Variants in FOCAD observed in about 807,000 individuals in gnomAD.
The protein encoded by FOCAD is focadhesin, also known as KIAA1797.
In FOCAD, 198 loss-of-function variants were observed where a neutral mutation model predicts 225.6. The ratio of observed to expected loss-of-function variants is 0.88; its 90% confidence interval spans 0.78 to 0.99. The LOEUF (loss-of-function observed/expected upper bound fraction) is 0.99. Ranked by LOEUF, FOCAD falls within the 50% of genes least tolerant of loss-of-function variation. FOCAD has a pLI of 0.00. For synonymous variants in FOCAD, 897 were observed against 755.0 expected (o/e 1.19, Z -3.08); for missense variants, 2,713 against 2,123.6 (o/e 1.28, Z -5.46).
intron 28 of FOCAD, among the ~76,000 whole-genome samples, chr9:20,938,315 G>A (rs929693076): frequency 2.6e-5 from 4 of 152,076 alleles, no homozygotes; most frequent in South Asian, 2.1e-4. Context: ...CAATAGCAAA[G>A]ACTTGGAACC....
chr9:20,677,670 C>T (rs1026645431), intron 2 of FOCAD, among the ~76,000 whole-genome samples: 4 of 149,042 alleles, frequency 2.7e-5, no homozygotes, highest in Non-Finnish European at 5.9e-5. Flanking sequence ...AACCTCAAAC[C>T]TGTTAGAAAA....
At chr9:20,817,973 A>C (rs1437864664) in intron 11 of FOCAD, among the ~76,000 whole-genome samples, 1 of 152,174 alleles carries the variant, frequency 6.6e-6, no homozygotes, top group African/African-American at 2.4e-5. Context: ...ATGTTTTCCA[A>C]AGGGACTGAA....
intron 24 of FOCAD, among the ~76,000 whole-genome samples, chr9:20,918,585 G>A (rs1473997728): frequency 2.0e-5 from 3 of 151,956 alleles, no homozygotes; most frequent in Admixed American, 6.6e-5. Context: ...TTAGCCGGGC[G>A]TAATGGCGGG....
chr9:20,821,075 T>C lies in FOCAD; in HGVS notation c.1793+4T>C, dbSNP rs1448116028. Reference sequence around the variant, plus strand: ...TCAGAGATATATGTAAGCAGAGGTATGATGTCATTAACTCTTAGGAATGTA... The same window carrying C: ...TCAGAGATATATGTAAGCAGAGGTACGATGTCATTAACTCTTAGGAATGTA... On this transcript the variant is annotated splice_donor_region_variant and intron_variant, in intron 14 of 43. Coordinates refer to ENST00000338382, the MANE Select transcript of FOCAD (RefSeq NM_001375567.1). 16 of 1,611,492 alleles carry C rather than the reference T, an allele frequency of 9.9e-6. No individual in the cohort carries two copies. The highest frequency in any genetic ancestry group is 1.4e-5 in the Non-Finnish European group (16 of 1,178,492).
At chr9:20,696,216 A>T (rs930565255) in intron 1 of FOCAD, among the ~76,000 whole-genome samples, 7 of 152,238 alleles carry the variant, frequency 4.6e-5, no homozygotes, top group Non-Finnish European at 7.3e-5. Flanking sequence ...AACTGCAGGC[A>T]TGTATCCTTT....
At chr9:20,913,256 CT>C (rs1833600273) in intron 23 of FOCAD, among the ~76,000 whole-genome samples, 1 of 150,662 alleles carries the variant, frequency 6.6e-6, no homozygotes, top group Admixed American at 6.6e-5. Context: ...ATTTTATATG[CT>C]TTTGAATGAA....
chr9:20,923,801 A>G (rs748126467), intron 25 of FOCAD, 33 bp downstream of exon 25: 1 of 1,539,118 alleles, frequency 6.5e-7, no homozygotes, highest in South Asian at 1.1e-5. Context: ...ATTGGCTTTG[A>G]TTATGTCTTT....
intron 15 of FOCAD, among the ~76,000 whole-genome samples, chr9:20,844,197 A>T (rs10757150): frequency 0.53 from 81,169 of 151,788 alleles, 22,033 homozygotes; most frequent in East Asian, 0.67. Context: ...CCAGATGGCC[A>T]TTTAGCCAAC....
intron 4 of FOCAD, among the ~76,000 whole-genome samples, chr9:20,734,361 T>C (rs1223591117): frequency 8.5e-5 from 13 of 152,330 alleles, no homozygotes; most frequent in Admixed American, 2.0e-4. Context: ...CCCAGTGACA[T>C]TGAAATCCCA....
chr9:20,852,899 T>G (rs1262376873), intron 15 of FOCAD, among the ~76,000 whole-genome samples: 1 of 151,758 alleles, frequency 6.6e-6, no homozygotes, highest in Non-Finnish European at 1.5e-5. Context: ...TTCGATTTAT[T>G]GAGTTTTAAG....
In FOCAD at chr9:20,715,325, C is replaced by A; in HGVS notation, c.-29C>A. 6.8e-7 allele frequency: 1 copy of A among 1,463,448 alleles called. No individual in the cohort carries two copies. The highest frequency in any genetic ancestry group is 9.2e-7 in the Non-Finnish European group (1 of 1,091,666). The allele number at this position is 1,463,448 out of a possible 1,614,324, so 90.7% of individuals were successfully genotyped here. A position where few individuals can be genotyped will look rare whatever the true frequency, so the allele number is the denominator to read the frequency against. On this transcript the variant is annotated 5_prime_UTR_variant, in exon 2 of 44. It adds an upstream start codon to the 5' untranslated region. Transcript: ENST00000338382. Reference sequence around the variant, plus strand: ...TATTCTTTTGTTTTGGTTACAGAAGCTGCACACATACATGTAAGAGAAGCA... The same window carrying A: ...TATTCTTTTGTTTTGGTTACAGAAGATGCACACATACATGTAAGAGAAGCA...
At chr9:20,928,292 A>G (rs1333484739) in intron 26 of FOCAD, among the ~76,000 whole-genome samples, 4 of 152,144 alleles carry the variant, frequency 2.6e-5, no homozygotes, top group African/African-American at 9.7e-5. Flanking sequence ...ACTTTATTTC[A>G]TGTGTGCTAC....
intron 11 of FOCAD, among the ~76,000 whole-genome samples, chr9:20,793,420 C>T (rs1820742586): frequency 6.6e-6 from 1 of 152,146 alleles, no homozygotes; most frequent in South Asian, 2.1e-4. Flanking sequence ...AGTTTATACA[C>T]AGGGAAGTAG....
chr9:20,708,802 T>C (rs1824599583), intron 1 of FOCAD, among the ~76,000 whole-genome samples: 1 of 151,856 alleles, frequency 6.6e-6, no homozygotes, highest in Non-Finnish European at 1.5e-5. Flanking sequence ...AAAAATTCTG[T>C]TTAGCCCTGA....
At chr9:20,689,294 G>A (rs4977441) in intron 1 of FOCAD, among the ~76,000 whole-genome samples, 95,237 of 151,954 alleles carry the variant, frequency 0.63, 30,265 homozygotes, top group Admixed American at 0.71. Flanking sequence ...TGGTGCATTC[G>A]ATGAATTGCT....
intron 18 of FOCAD, among the ~76,000 whole-genome samples, chr9:20,868,574 A>G (rs1189366528): frequency 2.0e-5 from 3 of 152,086 alleles, no homozygotes; most frequent in Admixed American, 1.3e-4. Context: ...ATAGCTCTTT[A>G]TATCTTCCAA....
At chr9:20,952,933 C>G in intron 34 of FOCAD, 52 bp from the exon 35 acceptor site, 1 of 1,404,036 alleles carries the variant, frequency 7.1e-7, no homozygotes, top group South Asian at 1.2e-5. Context: ...ATCTTTCCTT[C>G]ATTAGTCCTG....
At chr9:20,888,139 C>CTTTTTTTTTTTTTTTTTTTT (rs1377523100) in intron 21 of FOCAD, among the ~76,000 whole-genome samples, 2 of 45,614 alleles carry the variant, frequency 4.4e-5, no homozygotes, top group Non-Finnish European at 8.9e-5. Context: ...TTTTTTTCTT[C>CTTTTTTTTTTTTTTTTTTTT]TTTTTTTTTT....
chr9:20,992,160 G>C (rs1841730226), intron 42 of FOCAD, among the ~76,000 whole-genome samples: 1 of 152,156 alleles, frequency 6.6e-6, no homozygotes, highest in South Asian at 2.1e-4. Context: ...TTCAGTCATT[G>C]ATTAAATTAC....
Sources: gnomAD v4.1 joint callset for allele counts (sites outside exome capture counted in the v4.1 genomes callset) on GRCh38, gnomAD v4.1.1 for gene constraint, MANE v1.5 for transcripts, NCBI Gene and HGNC (gene_info 2026-07-23, HGNC 2026-07-21) for gene names.